Variants in NXPE2 observed in about 807,000 individuals in gnomAD.
NXPE2 encodes neurexophilin and PC-esterase domain family member 2, also known as NXPE family member 2.
NXPE2 carries 34 observed loss-of-function variants against 34.4 expected under a neutral mutation model. The ratio of observed to expected loss-of-function variants is 0.99; its 90% confidence interval spans 0.75 to 1.31. The LOEUF is 1.31. NXPE2 is among the 40% of genes most tolerant of loss of function. NXPE2 has a pLI of 0.00. For missense variants in NXPE2, 649 were observed against 672.5 expected (o/e 0.97, Z 0.39); for synonymous variants, 235 against 231.3 (o/e 1.02, Z -0.15).
chr11:114,635,901 A>G, the NXPE2 span, among the ~76,000 whole-genome samples: 11 of 152,224 alleles, frequency 7.2e-5, no homozygotes, highest in South Asian at 2.1e-3. Flanking sequence ...ATCAATGTTC[A>G]TCAAGGATAT....
chr11:114,525,279 A>T, the NXPE2 span, among the ~76,000 whole-genome samples: 18 of 151,992 alleles, frequency 1.2e-4, no homozygotes, highest in Admixed American at 1.0e-3. Flanking sequence ...TGAGAAATAG[A>T]TTCCATTATA....
In NXPE2 at chr11:114,706,803, T is replaced by C. The variant is rs1331472358; in HGVS notation, c.1553T>C (p.Phe518Ser). 4.5e-5 allele frequency: 70 copies of C among 1,552,364 alleles called. No individual in the cohort carries two copies. Among genetic ancestry groups the C allele is most frequent in the Non-Finnish European group, 6.1e-5 (70 of 1,147,040 alleles). Residue 518 changes from phenylalanine (F) to serine (S), a missense_variant, in exon 6 of 6, where the codon TTT becomes TCT. Phe to Ser is a radical substitution (Grantham distance 155). Coordinates refer to ENST00000389586, the MANE Select transcript of NXPE2 (RefSeq NM_182495.6). ...YIQNLIIRDI[F>S]VDLNVGIIDA... ...CAGAATCTTATCATAAGAGATATTT[T>C]TGTGGATCTTAATGTGGGTATTATT...
At chr11:114,648,554 G>C in the NXPE2 span, among the ~76,000 whole-genome samples, 3 of 152,110 alleles carry the variant, frequency 2.0e-5, no homozygotes, top group Admixed American at 2.0e-4. Flanking sequence ...GAAACACCCA[G>C]AGTAATGATT....
At chr11:114,760,805 T>G in the NXPE2 span, among the ~76,000 whole-genome samples, 1 of 152,130 alleles carries the variant, frequency 6.6e-6, no homozygotes, top group Non-Finnish European at 1.5e-5. Flanking sequence ...TCCCTGAAAT[T>G]TCAACCCCCC....
chr11:114,711,026 T>C (rs144980460), downstream of NXPE2, among the ~76,000 whole-genome samples: 54 of 152,194 alleles, frequency 3.5e-4, no homozygotes, highest in East Asian at 9.9e-3. Context: ...GAAAAAGCAT[T>C]TGACAAAATT....
the NXPE2 span, among the ~76,000 whole-genome samples, chr11:114,602,343 A>G: frequency 8.0e-6 from 1 of 125,510 alleles, no homozygotes; most frequent in Non-Finnish European, 1.6e-5. Flanking sequence ...TGTTATCTAT[A>G]ACATATACTA....
At chr11:114,761,164 A>T in the NXPE2 span, among the ~76,000 whole-genome samples, 2 of 152,176 alleles carry the variant, frequency 1.3e-5, no homozygotes, top group African/African-American at 2.4e-5. Flanking sequence ...CTCAGAAAGG[A>T]GGCAAACTCA....
intron 2 of NXPE2, among the ~76,000 whole-genome samples, chr11:114,681,356 T>C (rs1950946865): frequency 6.6e-6 from 1 of 152,216 alleles, no homozygotes; most frequent in Non-Finnish European, 1.5e-5. Context: ...ATTTTATTTC[T>C]AAAATGAAAA....
the NXPE2 span, among the ~76,000 whole-genome samples, chr11:114,480,947 T>C: frequency 6.6e-6 from 1 of 152,318 alleles, no homozygotes; most frequent in Non-Finnish European, 1.5e-5. Context: ...TTATACTTGC[T>C]TGCTGTTTTA....
At chr11:114,562,962 A>G in the NXPE2 span, among the ~76,000 whole-genome samples, 1 of 152,164 alleles carries the variant, frequency 6.6e-6, no homozygotes, top group African/African-American at 2.4e-5. Flanking sequence ...TTCTTTTCAG[A>G]ATTTATATTA....
chr11:114,591,190 A>G, the NXPE2 span, among the ~76,000 whole-genome samples: 3 of 152,208 alleles, frequency 2.0e-5, no homozygotes, highest in Non-Finnish European at 4.4e-5. Context: ...CTATCCAGGC[A>G]CAAGTGCTCA....
chr11:114,600,207 T>A, the NXPE2 span, among the ~76,000 whole-genome samples: 1 of 152,110 alleles, frequency 6.6e-6, no homozygotes, highest in Non-Finnish European at 1.5e-5. Flanking sequence ...GTGCAGAAAA[T>A]CAATGAACAT....
the NXPE2 span, among the ~76,000 whole-genome samples, chr11:114,663,586 CATCTATCTATCTATCTATCT>C: frequency 1.6e-4 from 21 of 132,990 alleles, no homozygotes; most frequent in Admixed American, 5.4e-4. Context: ...CTCTATCTAT[CATCTATCTATCTATCTATCT>C]ATCTATCTAT....
the NXPE2 span, chr11:114,582,946 G>C: frequency 6.2e-7 from 1 of 1,614,158 alleles, no homozygotes; most frequent in South Asian, 1.1e-5. Context: ...GATATCAGTG[G>C]TGTTTTAGGG....
At chr11:114,605,228 C>T in the NXPE2 span, among the ~76,000 whole-genome samples, 1 of 151,902 alleles carries the variant, frequency 6.6e-6, no homozygotes, top group Non-Finnish European at 1.5e-5. Flanking sequence ...TGGGTAACTG[C>T]TGTTACCCAC....
chr11:114,542,389 A>G, the NXPE2 span, among the ~76,000 whole-genome samples: 2 of 152,208 alleles, frequency 1.3e-5, no homozygotes, highest in Non-Finnish European at 2.9e-5. Context: ...ACTAAACAGC[A>G]TGAACATTAA....
chr11:114,737,741 TAGTC>T, the NXPE2 span, among the ~76,000 whole-genome samples: 2 of 152,040 alleles, frequency 1.3e-5, no homozygotes, highest in African/African-American at 4.8e-5. Flanking sequence ...AGAAACAAAA[TAGTC>T]AGAAGGTTGA....
At chr11:114,811,346 TAAA>T in the NXPE2 span, among the ~76,000 whole-genome samples, 9 of 150,886 alleles carry the variant, frequency 6.0e-5, no homozygotes, top group African/African-American at 2.0e-4. Flanking sequence ...AATAATAAAA[TAAA>T]AAAAATGCAA....
the NXPE2 span, among the ~76,000 whole-genome samples, chr11:114,478,246 C>G: frequency 1.3e-5 from 2 of 152,010 alleles, no homozygotes; most frequent in African/African-American, 2.4e-5. Context: ...CAATTTGGAG[C>G]CAGATACTTA....
Sources: gnomAD v4.1 joint callset for allele counts (sites outside exome capture counted in the v4.1 genomes callset) on GRCh38, gnomAD v4.1.1 for gene constraint, MANE v1.5 for transcripts, NCBI Gene and HGNC (gene_info 2026-07-23, HGNC 2026-07-21) for gene names.